The following CAST variants were observed in gnomAD, a reference collection of about 807,000 sequenced individuals.
CAST encodes calpastatin.
In CAST, 76 loss-of-function variants were observed where a neutral mutation model predicts 119.6. The observed-to-expected ratio is 0.64, with a 90% CI of 0.53 to 0.77. The LOEUF (loss-of-function observed/expected upper bound fraction) is 0.77, where lower values mean the gene tolerates loss of function less well. CAST is among the 30% of genes least tolerant of loss of function. CAST has a pLI of 0.00. For synonymous variants in CAST, 319 were observed against 331.6 expected (o/e 0.96, Z 0.41); for missense variants, 953 against 946.5 (o/e 1.01, Z -0.09).
the CAST span, among the ~76,000 whole-genome samples, chr5:96,249,149 G>A: frequency 6.6e-6 from 1 of 152,198 alleles, no homozygotes; most frequent in Non-Finnish European, 1.5e-5. Flanking sequence ...AAATTACATT[G>A]AACATGAAAG....
chr5:96,325,397 CT>C, the CAST span, among the ~76,000 whole-genome samples: 7 of 150,612 alleles, frequency 4.6e-5, no homozygotes, highest in South Asian at 2.1e-4. Context: ...TTCTTTCTTT[CT>C]TTTCTTTCTT....
chr5:96,202,752 T>C, the CAST span, among the ~76,000 whole-genome samples: 1 of 152,066 alleles, frequency 6.6e-6, no homozygotes, highest in Non-Finnish European at 1.5e-5. Flanking sequence ...ATCAGTGGTA[T>C]GAAAATTAGA....
At chr5:96,068,409 C>CAGGGTAAAA in the CAST span, among the ~76,000 whole-genome samples, 2 of 151,982 alleles carry the variant, frequency 1.3e-5, no homozygotes, top group African/African-American at 4.8e-5. Context: ...AGAACTTTAC[C>CAGGGTAAAA]CTGACTCCTG....
the CAST span, among the ~76,000 whole-genome samples, chr5:96,480,357 G>T: frequency 6.6e-6 from 1 of 152,268 alleles, no homozygotes. Context: ...GAATTATTAT[G>T]AATAAGGAAC....
intron 2 of CAST, among the ~76,000 whole-genome samples, chr5:96,678,968 A>G (rs1306059980): frequency 1.3e-5 from 2 of 152,098 alleles, no homozygotes; most frequent in Admixed American, 1.3e-4. Flanking sequence ...CCCAACACAC[A>G]ACCATTAAGT....
chr5:96,181,825 G>T, the CAST span, among the ~76,000 whole-genome samples: 283 of 152,262 alleles, frequency 1.9e-3, 3 homozygotes, highest in Admixed American at 0.016. Context: ...GCATAAATAT[G>T]CAGACATTAA....
chr5:96,581,936 T>G (rs990814799), intron 1 of CAST, among the ~76,000 whole-genome samples: 9 of 151,708 alleles, frequency 5.9e-5, no homozygotes, highest in Non-Finnish European at 1.5e-5. Flanking sequence ...TGAATACCCA[T>G]CAACTAATAA....
chr5:95,987,292 TTC>T, the CAST span, among the ~76,000 whole-genome samples: 7 of 152,036 alleles, frequency 4.6e-5, no homozygotes, highest in African/African-American at 1.7e-4. Flanking sequence ...TTTCTTTTTT[TTC>T]TCTCTCTCTC....
the CAST span, among the ~76,000 whole-genome samples, chr5:96,088,600 C>A: frequency 2.6e-5 from 4 of 152,146 alleles, no homozygotes; most frequent in Non-Finnish European, 4.4e-5. Flanking sequence ...GTTGCAAATC[C>A]ATCAGGGATT....
chr5:96,647,958 A>T (rs572595015), intron 1 of CAST, among the ~76,000 whole-genome samples: 2 of 152,360 alleles, frequency 1.3e-5, no homozygotes, highest in South Asian at 4.1e-4. Context: ...ATGAGCTGTG[A>T]CTTTCTCCAA....
chr5:96,304,865 G>C, the CAST span, among the ~76,000 whole-genome samples: 2 of 152,164 alleles, frequency 1.3e-5, no homozygotes, highest in South Asian at 2.1e-4. Context: ...TTGTAGTATA[G>C]TTTGAAGTCA....
At chr5:96,514,479 A>G in the CAST span, among the ~76,000 whole-genome samples, 10 of 152,328 alleles carry the variant, frequency 6.6e-5, no homozygotes, top group South Asian at 1.7e-3. Context: ...TTTCTTTTAT[A>G]TATCCAAATA....
At chr5:96,061,823 C>A in the CAST span, among the ~76,000 whole-genome samples, 4 of 151,944 alleles carry the variant, frequency 2.6e-5, no homozygotes, top group South Asian at 4.1e-4. Context: ...TGGGAGTAAG[C>A]CCTTAGTGTG....
At position 96,742,707 on chromosome 5, in the gene CAST, G is replaced by A. The variant is rs751855137; in HGVS notation, c.1151G>A (p.Arg384Gln). The A allele has an allele frequency of 2.7e-5, 44 of 1,613,850 alleles. No individual in the cohort carries two copies. Among genetic ancestry groups the A allele is most frequent in the South Asian group, 1.3e-4 (12 of 91,062 alleles). ...LEALSASLGTRQAEPELDLRS... is the reference protein window; with the variant it reads ...LEALSASLGTQQAEPELDLRS... ...GCTCTGTCGGCTTCACTGGGCACCCGGCAAGCAGAACCTGAGCTCGACCTC... is the reference window on the plus strand; with the variant it reads ...GCTCTGTCGGCTTCACTGGGCACCCAGCAAGCAGAACCTGAGCTCGACCTC... The change falls in exon 16 of 32, where the codon CGG becomes CAG. Residue 384 changes from arginine to glutamine, a missense_variant. Arg to Gln is a conservative substitution (Grantham distance 43). Transcript: ENST00000675179.
the CAST span, among the ~76,000 whole-genome samples, chr5:96,032,777 C>A: frequency 5.9e-5 from 9 of 151,994 alleles, no homozygotes; most frequent in African/African-American, 1.9e-4. Flanking sequence ...AGGAGGATTT[C>A]TTTAAAATAG....
At chr5:96,673,948 C>G (rs1185072449) in intron 1 of CAST, among the ~76,000 whole-genome samples, 1 of 152,192 alleles carries the variant, frequency 6.6e-6, no homozygotes, top group East Asian at 1.9e-4. Flanking sequence ...AATCACTAAT[C>G]CATGAGAGTG....
the CAST span, among the ~76,000 whole-genome samples, chr5:96,362,867 T>G: frequency 6.6e-6 from 1 of 152,216 alleles, no homozygotes; most frequent in Non-Finnish European, 1.5e-5. Context: ...TTTTGGCTTT[T>G]GTTGCCATTG....
At chr5:96,364,415 T>C in the CAST span, among the ~76,000 whole-genome samples, 4 of 152,220 alleles carry the variant, frequency 2.6e-5, no homozygotes, top group Non-Finnish European at 5.9e-5. Context: ...TGGTACCAGC[T>C]CCTTCTTGTA....
At chr5:96,287,000 G>T in the CAST span, among the ~76,000 whole-genome samples, 1 of 151,984 alleles carries the variant, frequency 6.6e-6, no homozygotes, top group East Asian at 1.9e-4. Flanking sequence ...GAATTTTCTT[G>T]TTTGTGTGTG....
Sources: gnomAD v4.1 joint callset for allele counts (sites outside exome capture counted in the v4.1 genomes callset) on GRCh38, gnomAD v4.1.1 for gene constraint, MANE v1.5 for transcripts, NCBI Gene and HGNC (gene_info 2026-07-23, HGNC 2026-07-21) for gene names.